The following CDH12 variants were observed in gnomAD, a reference collection of about 807,000 sequenced individuals.
The protein encoded by CDH12 is cadherin 12.
CDH12 carries 41 observed loss-of-function variants against 74.1 expected under a neutral mutation model. The observed-to-expected ratio is 0.55, with a 90% CI of 0.43 to 0.72. CDH12 has a LOEUF of 0.72. CDH12 is among the 30% of genes least tolerant of loss of function. CDH12 has a pLI of 0.00. For synonymous variants in CDH12, 399 were observed against 355.0 expected, an observed-to-expected ratio of 1.12 and a Z score of -1.39; for missense variants, 945 against 977.2, an observed-to-expected ratio of 0.97 and a Z score of 0.44.
At chr5:22,088,826 C>A (rs1422054431) in intron 4 of CDH12, among the ~76,000 whole-genome samples, 1 of 152,182 alleles carries the variant, frequency 6.6e-6, no homozygotes, top group African/African-American at 2.4e-5. Flanking sequence ...GTAATTTATA[C>A]ACAGTAAGCC....
At position 21,872,894 on chromosome 5, in the gene CDH12, C is replaced by CATCCATCTATCTATCTATCT. The variant is rs142549636; in HGVS notation, c.527-18105_527-18104insAGATAGATAGATAGATGGAT. Among the ~76,000 whole-genome samples the CATCCATCTATCTATCTATCT allele has an allele frequency of 2.7e-5, 4 of 146,850 alleles. No individual in the cohort carries two copies. The East Asian group carries it at 6.1e-4, about 22-fold the overall frequency. ...ATATATCAATCACCTACCTATCATCCATCTATCTATCTATCTATCTATCTA... is the reference window on the plus strand; with the variant it reads ...ATATATCAATCACCTACCTATCATCCATCCATCTATCTATCTATCTATCTATCTATCTATCTATCTATCTA... On this transcript the variant is annotated intron_variant, in intron 6 of 14. Transcript: ENST00000382254.
chr5:21,938,748 A>ATATATC (rs1490336535), intron 6 of CDH12, among the ~76,000 whole-genome samples: 12 of 136,594 alleles, frequency 8.8e-5, no homozygotes, highest in African/African-American at 3.6e-4. Context: ...ATATATATAT[A>ATATATC]TCTTCTACAT....
chr5:22,591,646 G>A (rs937180833), intron 1 of CDH12, among the ~76,000 whole-genome samples: 3 of 152,046 alleles, frequency 2.0e-5, no homozygotes, highest in African/African-American at 4.8e-5. Context: ...TTAGTTTCCA[G>A]AACATCACTG....
chr5:22,365,408 G>A (rs1039592918), intron 3 of CDH12, among the ~76,000 whole-genome samples: 5 of 152,184 alleles, frequency 3.3e-5, no homozygotes, highest in African/African-American at 1.2e-4. Flanking sequence ...TCACTCAACA[G>A]TATTATTAAA....
chr5:22,316,920 A>C (rs1041611988), intron 3 of CDH12, among the ~76,000 whole-genome samples: 1 of 152,168 alleles, frequency 6.6e-6, no homozygotes, highest in Non-Finnish European at 1.5e-5. Context: ...CTTTACTCTA[A>C]GATCATGGTA....
At chr5:22,731,828 T>C (rs1302644011) in intron 1 of CDH12, among the ~76,000 whole-genome samples, 3 of 151,848 alleles carry the variant, frequency 2.0e-5, no homozygotes, top group Admixed American at 6.6e-5. Flanking sequence ...TACAAAACTA[T>C]GGCATGACTT....
At chr5:22,519,604 T>C (rs1736961488) in intron 1 of CDH12, among the ~76,000 whole-genome samples, 1 of 152,032 alleles carries the variant, frequency 6.6e-6, no homozygotes, top group South Asian at 2.1e-4. Context: ...TTTGTATTTT[T>C]AGTAGAGACG....
intron 9 of CDH12, among the ~76,000 whole-genome samples, chr5:21,802,686 G>A (rs1157593306): frequency 6.8e-6 from 1 of 146,452 alleles, no homozygotes; most frequent in Non-Finnish European, 1.5e-5. Context: ...CCACCTCTGG[G>A]GTTCAAGCGG....
At chr5:22,615,176 G>T (rs1251842479) in intron 1 of CDH12, among the ~76,000 whole-genome samples, 1 of 152,048 alleles carries the variant, frequency 6.6e-6, no homozygotes, top group Non-Finnish European at 1.5e-5. Flanking sequence ...GTAAAAATGA[G>T]ACTCTAATCA....
intron 5 of CDH12, among the ~76,000 whole-genome samples, chr5:22,003,824 CAAAA>C (rs775995801): frequency 2.1e-5 from 1 of 47,396 alleles, no homozygotes; most frequent in Non-Finnish European, 3.8e-5. Context: ...CCCGCTTCCA[CAAAA>C]AAAAAAAAAA....
At chr5:22,825,534 G>T (rs1241799251) in intron 1 of CDH12, among the ~76,000 whole-genome samples, 2 of 152,138 alleles carry the variant, frequency 1.3e-5, no homozygotes, top group Admixed American at 1.3e-4. Flanking sequence ...GATTTTGTCT[G>T]GTTTGATTAA....
At chr5:21,988,428 G>T (rs539732414) in intron 5 of CDH12, among the ~76,000 whole-genome samples, 3 of 141,544 alleles carry the variant, frequency 2.1e-5, no homozygotes, top group Non-Finnish European at 4.5e-5. Context: ...GGAGGCGGAG[G>T]TTGCAGTGAG....
intron 8 of CDH12, among the ~76,000 whole-genome samples, chr5:21,837,321 G>A (rs187552163): frequency 6.6e-6 from 1 of 151,406 alleles, no homozygotes; most frequent in East Asian, 1.9e-4. Context: ...TGATACAAAT[G>A]CCTATGCCAT....
chr5:21,921,602 C>T (rs939009976), intron 6 of CDH12, among the ~76,000 whole-genome samples: 2 of 152,124 alleles, frequency 1.3e-5, no homozygotes, highest in Non-Finnish European at 2.9e-5. Context: ...GTCACAGCAA[C>T]GTTTACTGGA....
intron 2 of CDH12, among the ~76,000 whole-genome samples, chr5:22,503,341 G>C (rs1251426044): frequency 6.6e-6 from 1 of 152,014 alleles, no homozygotes; most frequent in Non-Finnish European, 1.5e-5. Context: ...ATCATAAACA[G>C]GCTCCACAGC....
chr5:21,817,102 G>C lies in CDH12; in HGVS notation c.845C>G (p.Ser282Cys). ...SIFHLKVPESSPIGSAIGRIR... is the reference protein window; with the variant it reads ...SIFHLKVPESCPIGSAIGRIR... ...TCTTCCAATAGCTGAACCAATAGGG[G>C]AAGACTCAGGAACTTTCAAGTGGAA... The change falls in exon 9 of 15, where the codon TCC (serine) becomes TGC (cysteine). Residue 282 changes from serine (S) to cysteine (C), a missense_variant. Around this residue, in one of 3 missense-constraint regions of CDH12, gnomAD observed 791 missense variants for 792.8 expected, o/e 1.00. Transcript: ENST00000382254. The C allele has an allele frequency of 6.2e-7, 1 of 1,611,354 alleles. No homozygotes were observed. The highest frequency in any genetic ancestry group is 8.5e-7 in the Non-Finnish European group (1 of 1,178,820).
intron 1 of CDH12, among the ~76,000 whole-genome samples, chr5:22,511,956 T>C (rs906513048): frequency 7.3e-5 from 11 of 151,636 alleles, no homozygotes; most frequent in African/African-American, 2.7e-4. Flanking sequence ...TGTGTGTGTG[T>C]GTACATTCAA....
At chr5:22,761,558 T>G (rs1215678164) in intron 1 of CDH12, among the ~76,000 whole-genome samples, 2 of 152,108 alleles carry the variant, frequency 1.3e-5, no homozygotes, top group African/African-American at 4.8e-5. Flanking sequence ...ATGCCAAATC[T>G]CCTATGAAGT....
chr5:22,585,627 G>T lies in CDH12; in HGVS notation c.-522-80263C>A, dbSNP rs1013576811. ...TTTTTGTCTCTCTGTGTTCATTTTT[G>T]ATACTTTCTTCTGAAGGATCTTTCA... On this transcript the variant is annotated intron_variant, in intron 1 of 14. Transcript: ENST00000382254. Among the ~76,000 whole-genome samples, 3 of 151,970 alleles carry T rather than the reference G, an allele frequency of 2.0e-5. No homozygotes were observed. The East Asian group carries it at 5.8e-4, about 29-fold the overall frequency.
Sources: gnomAD v4.1 joint callset for allele counts (sites outside exome capture counted in the v4.1 genomes callset) on GRCh38, gnomAD v4.1.1 for gene constraint, gnomAD v4.1.1 regional missense constraint, MANE v1.5 for transcripts, NCBI Gene and HGNC (gene_info 2026-07-23, HGNC 2026-07-21) for gene names.